The following KLHL32 variants were observed in gnomAD, a reference collection of about 807,000 sequenced individuals.
The protein encoded by KLHL32 is kelch like family member 32.
In KLHL32, 35 loss-of-function variants were observed where a neutral mutation model predicts 64.8. The observed-to-expected ratio is 0.54, with a 90% CI of 0.41 to 0.72. The LOEUF is 0.72. Among genes scored for constraint, KLHL32 ranks in the 30% least tolerant of loss-of-function variants. KLHL32 has a pLI of 0.00. For missense variants in KLHL32, 589 were observed against 768.5 expected, an observed-to-expected ratio of 0.77 and a Z score of 2.76; for synonymous variants, 259 against 281.0, an observed-to-expected ratio of 0.92 and a Z score of 0.78.
the KLHL32 span, among the ~76,000 whole-genome samples, chr6:96,915,818 T>G: frequency 1.3e-5 from 2 of 152,128 alleles, no homozygotes; most frequent in African/African-American, 4.8e-5. Context: ...AAGGATTATT[T>G]TGAGCTTAAG....
Position 97,004,197 on chromosome 6 carries a change from T to C in KLHL32, c.204+28020T>C, listed in dbSNP as rs534356705. 2.6e-5 allele frequency among the ~76,000 whole-genome samples: 4 copies of C among 152,308 alleles called. No homozygotes were observed. The East Asian group carries it at 7.7e-4, about 29-fold the overall frequency. On this transcript the variant is annotated intron_variant, in intron 3 of 10. Transcript: ENST00000369261. ...ATCTTGTAGAGATCTTTCACCTCCC[T>C]GGTTGGTTATATTCCAGGTATTTTA...
At chr6:96,982,478 T>A (rs143715977) in intron 3 of KLHL32, among the ~76,000 whole-genome samples, 1 of 152,168 alleles carries the variant, frequency 6.6e-6, no homozygotes, top group African/African-American at 2.4e-5. Flanking sequence ...AGACAGCACA[T>A]CATTGGGTCT....
chr6:96,979,843 T>C (rs1244372210), intron 3 of KLHL32, among the ~76,000 whole-genome samples: 1 of 152,170 alleles, frequency 6.6e-6, no homozygotes, highest in Non-Finnish European at 1.5e-5. Flanking sequence ...CAATGAGAAG[T>C]GTTTTGTAAT....
chr6:97,059,459 A>G (rs1788526009), intron 4 of KLHL32, among the ~76,000 whole-genome samples: 1 of 152,344 alleles, frequency 6.6e-6, no homozygotes, highest in South Asian at 2.1e-4. Context: ...GCTCAGATGG[A>G]GCACTTCAAC....
intron 5 of KLHL32, among the ~76,000 whole-genome samples, chr6:97,083,406 T>C (rs1792893421): frequency 6.7e-6 from 1 of 149,580 alleles, no homozygotes; most frequent in South Asian, 2.1e-4. Context: ...AAAAAAAAAA[T>C]TGTACTTGGG....
chr6:96,899,118 C>G, the KLHL32 span, among the ~76,000 whole-genome samples: 1 of 152,214 alleles, frequency 6.6e-6, no homozygotes, highest in Admixed American at 6.5e-5. Context: ...AGGAAGACGG[C>G]TTCAGCCACT....
At chr6:97,134,624 T>C (rs1799791332) in intron 10 of KLHL32, among the ~76,000 whole-genome samples, 1 of 152,208 alleles carries the variant, frequency 6.6e-6, no homozygotes, top group Non-Finnish European at 1.5e-5. Flanking sequence ...GGGTTTATCA[T>C]GAAATAAAAT....
chr6:97,064,824 G>A (rs1789464477), intron 5 of KLHL32, 98 bp downstream of exon 5: 2 of 993,140 alleles, frequency 2.0e-6, no homozygotes, highest in Non-Finnish European at 3.1e-6. Context: ...CAGGTAAAGT[G>A]GGGGTGGGGT....
In KLHL32 at chr6:97,130,766, A is replaced by C. The variant is rs1413273820; in HGVS notation, c.1423A>C (p.Ile475Leu). The change falls in exon 9 of 11, where the codon ATA (isoleucine) becomes CTA (leucine). Residue 475 changes from isoleucine to leucine, a missense_variant. By Grantham distance (5) the Ile-to-Leu change is conservative (BLOSUM62 2). Around this residue, in one of 3 missense-constraint regions of KLHL32, gnomAD observed 172 missense variants for 192.0 expected, o/e 0.90. Transcript: ENST00000369261. Reference sequence around the variant, plus strand: ...AAATTTCTTTTTTCAGAATAAGTGGATAAGCCGTAGCCCCATGCTGCAGAG... The same window carrying C: ...AAATTTCTTTTTTCAGAATAAGTGGCTAAGCCGTAGCCCCATGCTGCAGAG... Reference protein sequence around the residue: ...MVYEPNQNKWISRSPMLQRRV... With the variant: ...MVYEPNQNKWLSRSPMLQRRV... The C allele has an allele frequency of 6.2e-7, 1 of 1,606,610 alleles. No homozygotes were observed.
chr6:96,981,206 G>C (rs1776267260), intron 3 of KLHL32, among the ~76,000 whole-genome samples: 1 of 152,162 alleles, frequency 6.6e-6, no homozygotes, highest in Non-Finnish European at 1.5e-5. Flanking sequence ...AACCATATCA[G>C]TAGGCTTCTT....
At chr6:97,104,963 G>A (rs1796209681) in intron 6 of KLHL32, among the ~76,000 whole-genome samples, 1 of 152,198 alleles carries the variant, frequency 6.6e-6, no homozygotes, top group Non-Finnish European at 1.5e-5. Flanking sequence ...CTCTATGGCA[G>A]TTGCTATTCT....
At chr6:97,091,981 C>CTTTTT (rs11340950) in intron 6 of KLHL32, among the ~76,000 whole-genome samples, 9 of 132,368 alleles carry the variant, frequency 6.8e-5, no homozygotes, top group Non-Finnish European at 6.6e-5. Flanking sequence ...CTCTTTCTTT[C>CTTTTT]TTTTTTTTTT....
At chr6:97,087,138 C>T (rs970035434) in intron 6 of KLHL32, among the ~76,000 whole-genome samples, 7 of 152,080 alleles carry the variant, frequency 4.6e-5, no homozygotes, top group Non-Finnish European at 1.0e-4. Flanking sequence ...AATACCTGGT[C>T]CTCAAGAAAG....
intron 7 of KLHL32, among the ~76,000 whole-genome samples, chr6:97,119,340 T>A: frequency 6.6e-6 from 1 of 152,136 alleles, no homozygotes; most frequent in South Asian, 2.1e-4. Flanking sequence ...AGAGAGAAGA[T>A]CTTTCCTTTG....
intron 3 of KLHL32, among the ~76,000 whole-genome samples, chr6:97,008,263 A>C (rs190509738): frequency 3.9e-4 from 60 of 152,230 alleles, no homozygotes; most frequent in Non-Finnish European, 6.5e-4. Context: ...TCTGACAGTC[A>C]GGTGCAGTCT....
intron 6 of KLHL32, among the ~76,000 whole-genome samples, chr6:97,110,225 A>AT (rs1401130744): frequency 6.6e-6 from 1 of 152,126 alleles, no homozygotes; most frequent in African/African-American, 2.4e-5. Context: ...TACATAGATA[A>AT]TTTTTTGTCA....
At chr6:97,112,032 G>C (rs1052304375) in intron 6 of KLHL32, among the ~76,000 whole-genome samples, 1 of 151,146 alleles carries the variant, frequency 6.6e-6, no homozygotes, top group Admixed American at 6.6e-5. Flanking sequence ...GGTACAGGAT[G>C]GGGGGGTGGG....
chr6:97,085,637 G>C (rs1042979560), intron 6 of KLHL32, among the ~76,000 whole-genome samples: 6 of 152,126 alleles, frequency 3.9e-5, no homozygotes, highest in African/African-American at 1.4e-4. Context: ...TTTTTTTCCT[G>C]ATAAAAATTG....
intron 5 of KLHL32, among the ~76,000 whole-genome samples, chr6:97,070,173 G>C (rs1433192938): frequency 6.6e-6 from 1 of 152,140 alleles, no homozygotes; most frequent in African/African-American, 2.4e-5. Flanking sequence ...GTTCACTAGA[G>C]CTGAGGCTTT....
Sources: allele counts gnomAD v4.1 joint callset (sites outside exome capture counted in the v4.1 genomes callset), GRCh38; gene constraint gnomAD v4.1.1; regional missense constraint gnomAD v4.1.1; transcripts MANE v1.5; gene names NCBI Gene and HGNC (gene_info 2026-07-23, HGNC 2026-07-21).